The following TRPC4 variants were observed in gnomAD, a reference collection of about 807,000 sequenced individuals.
TRPC4 encodes transient receptor potential cation channel subfamily C member 4.
TRPC4 carries 49 observed loss-of-function variants against 99.4 expected under a neutral mutation model. The observed-to-expected ratio is 0.49, with a 90% CI of 0.39 to 0.63. The LOEUF (loss-of-function observed/expected upper bound fraction) is 0.63. Among genes scored for constraint, TRPC4 ranks in the 20% least tolerant of loss-of-function variants. TRPC4 has a pLI of 0.00. For missense variants in TRPC4, 898 were observed against 1,152.9 expected, an observed-to-expected ratio of 0.78 and a Z score of 3.20; for synonymous variants, 454 against 425.9, an observed-to-expected ratio of 1.07 and a Z score of -0.81.
intron 3 of TRPC4, among the ~76,000 whole-genome samples, chr13:37,723,105 G>A (rs1402185771): frequency 6.6e-6 from 1 of 152,164 alleles, no homozygotes; most frequent in African/African-American, 2.4e-5. Context: ...ACACGCAAAT[G>A]CACACATGCA....
At chr13:37,687,221 C>T (rs1371448220) in intron 4 of TRPC4, among the ~76,000 whole-genome samples, 1 of 152,156 alleles carries the variant, frequency 6.6e-6, no homozygotes, top group Non-Finnish European at 1.5e-5. Flanking sequence ...CCTCAGCCTC[C>T]CAAAGTGCTG....
At chr13:37,705,466 GA>G (rs1954241561) in intron 3 of TRPC4, among the ~76,000 whole-genome samples, 1 of 152,056 alleles carries the variant, frequency 6.6e-6, no homozygotes, top group African/African-American at 2.4e-5. Flanking sequence ...AAAAGATAAG[GA>G]AATGAAGTAA....
chr13:37,834,985 T>C (rs867265006), intron 1 of TRPC4, among the ~76,000 whole-genome samples: 3 of 152,166 alleles, frequency 2.0e-5, no homozygotes, highest in Admixed American at 1.3e-4. Context: ...TCTGCCTGTA[T>C]TGGCCTCCCA....
At chr13:37,754,567 A>G (rs2139208143) in intron 2 of TRPC4, among the ~76,000 whole-genome samples, 1 of 152,278 alleles carries the variant, frequency 6.6e-6, no homozygotes, top group Non-Finnish European at 1.5e-5. Flanking sequence ...CTACTTTTTA[A>G]AAATAAATTC....
chr13:37,825,453 A>G (rs1958173709), intron 1 of TRPC4, among the ~76,000 whole-genome samples: 2 of 152,266 alleles, frequency 1.3e-5, no homozygotes, highest in South Asian at 4.1e-4. Context: ...AATGTGTTCC[A>G]GAGATTCTGT....
At chr13:37,818,316 G>A (rs1351201079) in intron 1 of TRPC4, among the ~76,000 whole-genome samples, 1 of 152,118 alleles carries the variant, frequency 6.6e-6, no homozygotes, top group Non-Finnish European at 1.5e-5. Flanking sequence ...TGCTGGAGAG[G>A]ATGTGGAGAA....
intron 3 of TRPC4, among the ~76,000 whole-genome samples, chr13:37,744,321 T>A (rs1010700284): frequency 3.9e-5 from 6 of 152,174 alleles, no homozygotes; most frequent in East Asian, 1.9e-4. Flanking sequence ...CATCAATGTA[T>A]CTTATCATTG....
At chr13:37,677,919 CTAAG>C (rs1352705274) in intron 4 of TRPC4, among the ~76,000 whole-genome samples, 1 of 152,066 alleles carries the variant, frequency 6.6e-6, no homozygotes, top group Admixed American at 6.6e-5. Context: ...TGAAATCATA[CTAAG>C]TAAGTTCTAT....
At chr13:37,657,148 CTATT>C (rs1169427750) in intron 6 of TRPC4, among the ~76,000 whole-genome samples, 21 of 152,224 alleles carry the variant, frequency 1.4e-4, no homozygotes, top group African/African-American at 5.1e-4. Context: ...GAAAATTTAA[CTATT>C]TATTTTCTAG....
intron 2 of TRPC4, among the ~76,000 whole-genome samples, chr13:37,767,958 A>C (rs532663591): frequency 2.0e-5 from 3 of 151,556 alleles, no homozygotes; most frequent in South Asian, 2.1e-4. Context: ...AAAGACCATC[A>C]CAGTTCAATG....
chr13:37,786,722 C>T (rs1956980332), intron 1 of TRPC4, among the ~76,000 whole-genome samples: 1 of 151,990 alleles, frequency 6.6e-6, no homozygotes. Context: ...ATTTCTTCCC[C>T]CATGAGACTG....
chr13:37,859,871 T>C (rs1465541018), intron 1 of TRPC4, among the ~76,000 whole-genome samples: 1 of 151,298 alleles, frequency 6.6e-6, no homozygotes, highest in Non-Finnish European at 1.5e-5. Context: ...TCATTACTTC[T>C]GAAAAAATAA....
intron 1 of TRPC4, among the ~76,000 whole-genome samples, chr13:37,843,705 C>CACAT (rs35659228): frequency 0.033 from 4,949 of 151,684 alleles, 147 homozygotes; most frequent in East Asian, 0.098. Flanking sequence ...CACACACACA[C>CACAT]GCACACATAC....
intron 3 of TRPC4, among the ~76,000 whole-genome samples, chr13:37,718,776 A>C (rs1228431217): frequency 6.6e-6 from 1 of 152,168 alleles, no homozygotes; most frequent in Non-Finnish European, 1.5e-5. Flanking sequence ...TAGAACCTTA[A>C]GTATCCATGG....
chr13:37,836,024 T>A (rs58495843), intron 1 of TRPC4, among the ~76,000 whole-genome samples: 37,240 of 151,824 alleles, frequency 0.25, 5,145 homozygotes, highest in East Asian at 0.43. Context: ...CCCATGCTGT[T>A]CTCATGATAG....
intron 3 of TRPC4, among the ~76,000 whole-genome samples, chr13:37,723,357 A>G (rs1262947903): frequency 6.6e-6 from 1 of 152,178 alleles, no homozygotes; most frequent in Non-Finnish European, 1.5e-5. Flanking sequence ...CAATAGAAAA[A>G]TAGACAAGAT....
At chr13:37,758,559 T>A (rs960449376) in intron 2 of TRPC4, among the ~76,000 whole-genome samples, 16 of 151,856 alleles carry the variant, frequency 1.1e-4, no homozygotes, top group African/African-American at 3.9e-4. Context: ...TGCAATAAGA[T>A]TAGAAAATAA....
rs79888016 is a variant in TRPC4, at chr13:37,758,657, T to C, written c.379-12202A>G. On this transcript the variant is annotated intron_variant, in intron 2 of 10. Coordinates refer to ENST00000379705, the MANE Select transcript of TRPC4 (RefSeq NM_016179.4). The stretch of plus-strand genomic sequence containing the variant: ...AACTAAGAGACTTCAAGTTTAGAAG[T>C]ATTAATAAAGCTTAATTCGACATGT... 2.4e-4 allele frequency among the ~76,000 whole-genome samples: 36 copies of C among 151,842 alleles called. No homozygotes were observed. The East Asian group carries it at 7.0e-3, about 29-fold the overall frequency.
chr13:37,807,103 T>G (rs1957546737), intron 1 of TRPC4, among the ~76,000 whole-genome samples: 1 of 152,194 alleles, frequency 6.6e-6, no homozygotes, highest in Admixed American at 6.6e-5. Context: ...ATGGCCAACT[T>G]CTTTCCCTGC....
Sources: gnomAD v4.1 joint callset for allele counts (sites outside exome capture counted in the v4.1 genomes callset) on GRCh38, gnomAD v4.1.1 for gene constraint, MANE v1.5 for transcripts, NCBI Gene and HGNC (gene_info 2026-07-23, HGNC 2026-07-21) for gene names.